CSNK2A2IP: variants seen among roughly 807,000 people sequenced by gnomAD.
CSNK2A2IP encodes the protein casein kinase II subunit alpha'-interacting protein.
the CSNK2A2IP span, among the ~76,000 whole-genome samples, chr3:88,381,387 C>A: frequency 6.6e-6 from 1 of 152,110 alleles, no homozygotes; most frequent in Non-Finnish European, 1.5e-5. Context: ...CAGGGAGGGG[C>A]AATGAGGCTC....
the CSNK2A2IP span, among the ~76,000 whole-genome samples, chr3:88,401,813 GA>G: frequency 3.3e-5 from 5 of 151,888 alleles, no homozygotes; most frequent in Middle Eastern, 3.4e-3. Flanking sequence ...AGAACACAGG[GA>G]AAAAAAGGAT....
chr3:88,382,388 C>A, the CSNK2A2IP span, among the ~76,000 whole-genome samples: 8 of 152,270 alleles, frequency 5.3e-5, no homozygotes, highest in Non-Finnish European at 1.2e-4. Context: ...GAGGGCTAGG[C>A]AGAAGCTGCC....
At chr3:88,449,818 GAGACACACACACACAC>G in the CSNK2A2IP span, among the ~76,000 whole-genome samples, 1,696 of 60,848 alleles carry the variant, frequency 0.028, 107 homozygotes, top group Non-Finnish European at 0.039. Context: ...TTTTTATATC[GAGACACACACACACAC>G]ACACACACAC....
the CSNK2A2IP span, among the ~76,000 whole-genome samples, chr3:88,450,938 A>G: frequency 6.6e-6 from 1 of 152,086 alleles, no homozygotes; most frequent in Non-Finnish European, 1.5e-5. Flanking sequence ...ATTGTTTTTT[A>G]TACTGACTGT....
the CSNK2A2IP span, among the ~76,000 whole-genome samples, chr3:88,356,489 T>C: frequency 1.3e-5 from 2 of 152,116 alleles, no homozygotes; most frequent in Non-Finnish European, 2.9e-5. Flanking sequence ...TTTCTTTATC[T>C]ATTCTTCTGT....
chr3:88,409,142 T>C, the CSNK2A2IP span, among the ~76,000 whole-genome samples: 1 of 152,018 alleles, frequency 6.6e-6, no homozygotes, highest in African/African-American at 2.4e-5. Flanking sequence ...AGATGCAGAG[T>C]GTCTCAAGTG....
chr3:88,368,075 C>T, the CSNK2A2IP span, among the ~76,000 whole-genome samples: 1 of 151,888 alleles, frequency 6.6e-6, no homozygotes, highest in Admixed American at 6.6e-5. Flanking sequence ...AACATTTTCT[C>T]TTATAAGTAA....
At chr3:88,349,335 T>C in the CSNK2A2IP span, among the ~76,000 whole-genome samples, 1 of 152,052 alleles carries the variant, frequency 6.6e-6, no homozygotes, top group Non-Finnish European at 1.5e-5. Flanking sequence ...GCTCTGTATG[T>C]CTTTGTGTCT....
At chr3:88,370,544 C>G in the CSNK2A2IP span, among the ~76,000 whole-genome samples, 1 of 151,642 alleles carries the variant, frequency 6.6e-6, no homozygotes, top group African/African-American at 2.4e-5. Flanking sequence ...TCATGGCCTT[C>G]CCTGGCTCCA....
At chr3:88,397,305 A>G in the CSNK2A2IP span, among the ~76,000 whole-genome samples, 1 of 152,246 alleles carries the variant, frequency 6.6e-6, no homozygotes, top group East Asian at 1.9e-4. Flanking sequence ...TTCCTCCTGA[A>G]GTTTCCAGTT....
At chr3:88,378,403 C>T in the CSNK2A2IP span, among the ~76,000 whole-genome samples, 1 of 151,792 alleles carries the variant, frequency 6.6e-6, no homozygotes, top group African/African-American at 2.4e-5. Context: ...ATTGCTGTGA[C>T]TTGATAGATT....
chr3:88,461,150 A>G, the CSNK2A2IP span, among the ~76,000 whole-genome samples: 4 of 152,134 alleles, frequency 2.6e-5, no homozygotes, highest in African/African-American at 7.2e-5. Flanking sequence ...GTTAATTTTC[A>G]TTGTTGTTTC....
the CSNK2A2IP span, among the ~76,000 whole-genome samples, chr3:88,398,059 A>T: frequency 6.6e-6 from 1 of 152,136 alleles, no homozygotes; most frequent in East Asian, 1.9e-4. Context: ...AAAAAATATG[A>T]TTTCCTATAA....
At chr3:88,339,534 A>G in the CSNK2A2IP span, among the ~76,000 whole-genome samples, 1 of 152,056 alleles carries the variant, frequency 6.6e-6, no homozygotes, top group East Asian at 1.9e-4. Flanking sequence ...TGATATGTTG[A>G]TTTCTTTTCT....
the CSNK2A2IP span, among the ~76,000 whole-genome samples, chr3:88,431,974 TG>T: frequency 1.3e-5 from 2 of 152,124 alleles, no homozygotes; most frequent in Non-Finnish European, 2.9e-5. Context: ...GATATAATGT[TG>T]TTTTTTCCTG....
chr3:88,446,326 G>A, the CSNK2A2IP span, among the ~76,000 whole-genome samples: 1 of 151,886 alleles, frequency 6.6e-6, no homozygotes, highest in Non-Finnish European at 1.5e-5. Flanking sequence ...CTGACCTTGT[G>A]ATCTGCCCAC....
chr3:88,353,539 G>A, the CSNK2A2IP span, among the ~76,000 whole-genome samples: 1 of 152,254 alleles, frequency 6.6e-6, no homozygotes, highest in Admixed American at 6.5e-5. Flanking sequence ...AATAAACACA[G>A]CTATTCTCCT....
chr3:88,441,633 T>C, the CSNK2A2IP span, among the ~76,000 whole-genome samples: 1 of 152,300 alleles, frequency 6.6e-6, no homozygotes, highest in Non-Finnish European at 1.5e-5. Flanking sequence ...AAGGTAATCT[T>C]AGAGAATACA....
At chr3:88,467,276 C>T in the CSNK2A2IP span, 4 of 400,964 alleles carry the variant, frequency 1.0e-5, no homozygotes, top group Non-Finnish European at 1.8e-5. Flanking sequence ...TCTTCTTCAT[C>T]TTCTTCCTCC....
Sources: gnomAD v4.1 joint callset for allele counts (sites outside exome capture counted in the v4.1 genomes callset) on GRCh38, gnomAD v4.1.1 for gene constraint, MANE v1.5 for transcripts, NCBI Gene and HGNC (gene_info 2026-07-23, HGNC 2026-07-21) for gene names.